The following NALF1 variants were observed in gnomAD, a reference collection of about 807,000 sequenced individuals.
The protein encoded by NALF1 is family with sequence similarity 155 member A.
A neutral mutation model predicts 48.4 loss-of-function variants in NALF1; 3 were observed. The ratio of observed to expected loss-of-function variants is 0.06; its 90% CI spans 0.03 to 0.16. The LOEUF is 0.16. Ranked by LOEUF, NALF1 falls within the 10% of genes least tolerant of loss-of-function variation. The pLI is 1.00. For synonymous variants in NALF1, 262 were observed against 245.7 expected, an observed-to-expected ratio of 1.07 and a Z score of -0.62; for missense variants, 526 against 571.5, an observed-to-expected ratio of 0.92 and a Z score of 0.81.
At chr13:107,201,233 C>G (rs1403879171) in intron 2 of NALF1, among the ~76,000 whole-genome samples, 1 of 152,088 alleles carries the variant, frequency 6.6e-6, no homozygotes, top group Non-Finnish European at 1.5e-5. Context: ...AGATATCTCT[C>G]AATGTATAGG....
At chr13:107,765,063 G>A (rs894185881) in intron 1 of NALF1, among the ~76,000 whole-genome samples, 7 of 152,176 alleles carry the variant, frequency 4.6e-5, no homozygotes, top group South Asian at 2.1e-4. Context: ...GGAAAGAGAC[G>A]TCTAGTAGAT....
chr13:107,592,806 G>A (rs1285416171), intron 1 of NALF1, among the ~76,000 whole-genome samples: 6 of 151,684 alleles, frequency 4.0e-5, no homozygotes, highest in South Asian at 2.1e-4. Context: ...TGTAGTTACC[G>A]ATAAATTCTT....
intron 1 of NALF1, among the ~76,000 whole-genome samples, chr13:107,766,477 G>A (rs569220043): frequency 2.0e-5 from 3 of 152,182 alleles, no homozygotes; most frequent in Admixed American, 6.5e-5. Context: ...TGACTGAAAC[G>A]CAGAACTGTT....
intron 1 of NALF1, among the ~76,000 whole-genome samples, chr13:107,374,503 G>A (rs1394090963): frequency 6.6e-6 from 1 of 151,984 alleles, no homozygotes; most frequent in African/African-American, 2.4e-5. Context: ...ACTTATTATT[G>A]ATATTAAGCA....
chr13:107,190,683 T>G (rs182638475), intron 2 of NALF1, among the ~76,000 whole-genome samples: 1 of 152,312 alleles, frequency 6.6e-6, no homozygotes, highest in Admixed American at 6.5e-5. Flanking sequence ...CTCAATATTA[T>G]AAAGTCAATA....
intron 1 of NALF1, among the ~76,000 whole-genome samples, chr13:107,525,515 A>T (rs1876401418): frequency 6.6e-6 from 1 of 151,776 alleles, no homozygotes; most frequent in African/African-American, 2.4e-5. Context: ...TCATCCTTTC[A>T]CCCCGTGGAA....
intron 1 of NALF1, among the ~76,000 whole-genome samples, chr13:107,562,800 T>C (rs1877686006): frequency 6.6e-6 from 1 of 152,188 alleles, no homozygotes; most frequent in African/African-American, 2.4e-5. Flanking sequence ...TACCATGCAA[T>C]AATCTGATGA....
At chr13:107,274,549 G>A (rs1007757329) in intron 1 of NALF1, among the ~76,000 whole-genome samples, 5 of 152,066 alleles carry the variant, frequency 3.3e-5, no homozygotes, top group East Asian at 1.9e-4. Flanking sequence ...GTGACAAGAC[G>A]AGACCTTGTC....
intron 1 of NALF1, among the ~76,000 whole-genome samples, chr13:107,508,048 C>T (rs577712936): frequency 1.3e-5 from 2 of 152,050 alleles, no homozygotes; most frequent in African/African-American, 2.4e-5. Flanking sequence ...CTGTCCTATA[C>T]AAAAACATTA....
chr13:107,175,206 T>C (rs1878901290), intron 2 of NALF1, among the ~76,000 whole-genome samples: 1 of 149,096 alleles, frequency 6.7e-6, no homozygotes, highest in South Asian at 2.1e-4. Context: ...TTCTTTATCA[T>C]CTCAAAAAGA....
chr13:107,286,102 C>G (rs1361700521), intron 1 of NALF1, among the ~76,000 whole-genome samples: 1 of 152,182 alleles, frequency 6.6e-6, no homozygotes, highest in African/African-American at 2.4e-5. Context: ...CACGCAGATA[C>G]TTTATAGTCA....
chr13:107,174,158 T>A (rs1458417781), intron 2 of NALF1, among the ~76,000 whole-genome samples: 1 of 152,086 alleles, frequency 6.6e-6, no homozygotes, highest in African/African-American at 2.4e-5. Flanking sequence ...ATTCCCTCCA[T>A]TTTCTCTGTG....
chr13:107,430,947 C>A (rs1049864332), intron 1 of NALF1, among the ~76,000 whole-genome samples: 5 of 152,178 alleles, frequency 3.3e-5, no homozygotes, highest in African/African-American at 1.2e-4. Flanking sequence ...TTCTCCACAT[C>A]CTCTCCAGCA....
chr13:107,198,838 C>T (rs1390086444), intron 2 of NALF1, among the ~76,000 whole-genome samples: 1 of 152,176 alleles, frequency 6.6e-6, no homozygotes, highest in East Asian at 1.9e-4. Context: ...CTTCTTCCTA[C>T]ATCTATTCAC....
chr13:107,599,666 T>C (rs1038747287), intron 1 of NALF1, among the ~76,000 whole-genome samples: 2 of 152,234 alleles, frequency 1.3e-5, no homozygotes, highest in Admixed American at 6.5e-5. Context: ...ATTAGTGAAG[T>C]TGAACACTAT....
intron 1 of NALF1, among the ~76,000 whole-genome samples, chr13:107,822,799 G>A (rs181738828): frequency 2.0e-5 from 3 of 152,242 alleles, no homozygotes; most frequent in South Asian, 4.1e-4. Flanking sequence ...TAGGAAAATC[G>A]TTAAATATAA....
intron 1 of NALF1, among the ~76,000 whole-genome samples, chr13:107,435,922 C>T (rs1884457087): frequency 6.6e-6 from 1 of 152,124 alleles, no homozygotes; most frequent in African/African-American, 2.4e-5. Flanking sequence ...CTATGAATAC[C>T]ATGGCAGCAG....
intron 1 of NALF1, among the ~76,000 whole-genome samples, chr13:107,755,692 G>C (rs1488969087): frequency 1.3e-5 from 2 of 151,924 alleles, no homozygotes; most frequent in Non-Finnish European, 2.9e-5. Context: ...ACATATGTTT[G>C]ATTGCACATG....
intron 1 of NALF1, among the ~76,000 whole-genome samples, chr13:107,549,029 G>A (rs1877214802): frequency 6.6e-6 from 1 of 151,990 alleles, no homozygotes; most frequent in African/African-American, 2.4e-5. Context: ...TGTAATATGA[G>A]CTTTTACCTC....
Sources: gnomAD v4.1 joint callset for allele counts (sites outside exome capture counted in the v4.1 genomes callset) on GRCh38, gnomAD v4.1.1 for gene constraint, MANE v1.5 for transcripts, NCBI Gene and HGNC (gene_info 2026-07-23, HGNC 2026-07-21) for gene names.